The following SLC9A9 variants were observed in gnomAD, a reference collection of about 807,000 sequenced individuals.
SLC9A9 encodes the protein sodium/hydrogen exchanger 9.
SLC9A9 carries 62 observed loss-of-function variants against 77.8 expected under a neutral mutation model. The ratio of observed to expected loss-of-function variants is 0.80; its 90% CI spans 0.65 to 0.98. SLC9A9 has a LOEUF of 0.98. Ranked by LOEUF, SLC9A9 falls within the 50% of genes least tolerant of loss-of-function variation. SLC9A9 has a pLI of 0.00. For missense variants in SLC9A9, 775 were observed against 774.9 expected (o/e 1.00, Z 0.00); for synonymous variants, 320 against 283.5 (o/e 1.13, Z -1.29).
intron 9 of SLC9A9, among the ~76,000 whole-genome samples, chr3:143,536,767 T>G (rs904567946): frequency 6.6e-6 from 1 of 152,214 alleles, no homozygotes; most frequent in African/African-American, 2.4e-5. Context: ...GTTCTAAGTC[T>G]CCACCTACTC....
intron 4 of SLC9A9, among the ~76,000 whole-genome samples, chr3:143,731,936 C>T (rs921351537): frequency 5.3e-5 from 8 of 152,230 alleles, no homozygotes; most frequent in Admixed American, 5.2e-4. Context: ...AAGCACTTTT[C>T]TTGCCTGCCA....
intron 4 of SLC9A9, among the ~76,000 whole-genome samples, chr3:143,757,763 A>G (rs537987241): frequency 3.3e-5 from 5 of 152,082 alleles, no homozygotes; most frequent in African/African-American, 7.2e-5. Flanking sequence ...TTTGCTTCCT[A>G]TGATTTTTAG....
At chr3:143,612,725 C>G (rs560977591) in intron 6 of SLC9A9, among the ~76,000 whole-genome samples, 1 of 152,370 alleles carries the variant, frequency 6.6e-6, no homozygotes, top group South Asian at 2.1e-4. Flanking sequence ...CACCAAGCTA[C>G]ATTTTCATAC....
intron 14 of SLC9A9, among the ~76,000 whole-genome samples, chr3:143,340,033 G>A (rs1283390258): frequency 3.9e-5 from 6 of 152,140 alleles, no homozygotes; most frequent in East Asian, 1.9e-4. Context: ...TTTTTGCATC[G>A]TGACATTGTA....
chr3:143,649,177 G>A (rs557709621), intron 6 of SLC9A9, among the ~76,000 whole-genome samples: 6 of 152,154 alleles, frequency 3.9e-5, no homozygotes, highest in African/African-American at 1.4e-4. Flanking sequence ...TTTGTTCAGG[G>A]TTCAAAAACA....
chr3:143,519,859 TAGA>T (rs2036266838), intron 9 of SLC9A9, among the ~76,000 whole-genome samples: 1 of 152,242 alleles, frequency 6.6e-6, no homozygotes, highest in East Asian at 1.9e-4. Context: ...CCTGAACAAA[TAGA>T]AGAATAGAAT....
At chr3:143,270,499 G>A (rs1037989791) in intron 14 of SLC9A9, among the ~76,000 whole-genome samples, 8 of 152,084 alleles carry the variant, frequency 5.3e-5, no homozygotes, top group African/African-American at 9.7e-5. Flanking sequence ...GCTGGGGTAC[G>A]TGATCTTTCT....
At chr3:143,276,500 C>A (rs1272821150) in intron 14 of SLC9A9, among the ~76,000 whole-genome samples, 4 of 152,148 alleles carry the variant, frequency 2.6e-5, no homozygotes, top group African/African-American at 9.7e-5. Context: ...CTTGTGATGT[C>A]AGTGCCATCT....
At chr3:143,736,673 A>T (rs1169547609) in intron 4 of SLC9A9, among the ~76,000 whole-genome samples, 1 of 152,202 alleles carries the variant, frequency 6.6e-6, no homozygotes, top group African/African-American at 2.4e-5. Context: ...AGTTCTCATA[A>T]TGTTCAAAAT....
intron 12 of SLC9A9, among the ~76,000 whole-genome samples, chr3:143,447,126 A>G (rs2034861103): frequency 6.6e-6 from 1 of 152,208 alleles, no homozygotes; most frequent in South Asian, 2.1e-4. Context: ...CCGAAGTTAT[A>G]AAGTTGTTAT....
chr3:143,837,237 G>A (rs1375522671), intron 1 of SLC9A9, among the ~76,000 whole-genome samples: 3 of 152,136 alleles, frequency 2.0e-5, no homozygotes, highest in Non-Finnish European at 2.9e-5. Context: ...TGGCCAGATC[G>A]CTTTAGACTC....
chr3:143,512,798 C>G (rs1395975932), intron 9 of SLC9A9, among the ~76,000 whole-genome samples: 1 of 152,152 alleles, frequency 6.6e-6, no homozygotes, highest in Non-Finnish European at 1.5e-5. Flanking sequence ...TTGCTTGAAC[C>G]CGGGAGGCAG....
Position 143,388,525 on chromosome 3 carries a change from C to A in SLC9A9, c.1470-6411G>T, listed in dbSNP as rs187786193. Among the ~76,000 whole-genome samples, 4 of 152,246 alleles carry A rather than the reference C, an allele frequency of 2.6e-5. No individual in the cohort carries two copies. The East Asian group carries it at 7.7e-4, about 29-fold the overall frequency. ...AGAGGGGATAAGCATATATATATTTCATGAGCTATTATAAGGATGAAATGA... is the reference window on the plus strand; with the variant it reads ...AGAGGGGATAAGCATATATATATTTAATGAGCTATTATAAGGATGAAATGA... On this transcript the variant is annotated intron_variant, in intron 12 of 15. Coordinates refer to ENST00000316549, the MANE Select transcript of SLC9A9 (RefSeq NM_173653.4).
At chr3:143,344,430 A>G (rs1007971980) in intron 14 of SLC9A9, 1 of 152,182 alleles carries the variant, frequency 6.6e-6, no homozygotes, top group African/African-American at 2.4e-5. Flanking sequence ...ACTAAAGATA[A>G]TATTTTCTAA....
intron 14 of SLC9A9, among the ~76,000 whole-genome samples, chr3:143,356,020 A>G (rs911782214): frequency 2.6e-5 from 4 of 152,214 alleles, no homozygotes; most frequent in African/African-American, 7.2e-5. Flanking sequence ...AAAACAAAGC[A>G]GAGATACCAA....
At chr3:143,744,070 A>G (rs1049973606) in intron 4 of SLC9A9, among the ~76,000 whole-genome samples, 1 of 152,234 alleles carries the variant, frequency 6.6e-6, no homozygotes, top group African/African-American at 2.4e-5. Flanking sequence ...ACTAGCTAGC[A>G]TCAATTAAAT....
At chr3:143,357,185 T>A (rs1576445997) in intron 14 of SLC9A9, among the ~76,000 whole-genome samples, 1 of 106,480 alleles carries the variant, frequency 9.4e-6, no homozygotes, top group Admixed American at 9.0e-5. Context: ...GGAGTTATCT[T>A]TACATTTTGC....
intron 11 of SLC9A9, among the ~76,000 whole-genome samples, chr3:143,481,140 T>C (rs2035567011): frequency 6.6e-6 from 1 of 152,130 alleles, no homozygotes; most frequent in South Asian, 2.1e-4. Flanking sequence ...TGCTTAGGTG[T>C]AGAGATAAGC....
At chr3:143,539,459 T>G (rs1471429524) in intron 9 of SLC9A9, among the ~76,000 whole-genome samples, 3 of 152,244 alleles carry the variant, frequency 2.0e-5, no homozygotes, top group African/African-American at 7.2e-5. Flanking sequence ...CAACATTCTT[T>G]AACAAACACA....
Sources: allele counts gnomAD v4.1 joint callset (sites outside exome capture counted in the v4.1 genomes callset), GRCh38; gene constraint gnomAD v4.1.1; transcripts MANE v1.5; gene names NCBI Gene and HGNC (gene_info 2026-07-23, HGNC 2026-07-21).